ARHGEF17: variants seen among roughly 807,000 people sequenced by gnomAD.
ARHGEF17 encodes the protein 164 kDa Rho-specific guanine-nucleotide exchange factor.
A neutral mutation model predicts 174.0 loss-of-function variants in ARHGEF17; 80 were observed. The observed-to-expected ratio is 0.46, with a 90% CI of 0.38 to 0.55. ARHGEF17 has a LOEUF of 0.55. ARHGEF17 is among the 20% of genes least tolerant of loss of function. The pLI is 0.00. For missense variants in ARHGEF17, 2,886 were observed against 2,839.7 expected, an observed-to-expected ratio of 1.02 and a Z score of -0.37; for synonymous variants, 1,311 against 1,189.1, an observed-to-expected ratio of 1.10 and a Z score of -2.11.
Position 73,335,565 on chromosome 11 carries a change from T to TA in ARHGEF17, c.3193-11308dup, listed in dbSNP as rs372024283. On this transcript the variant is annotated intron_variant, in intron 1 of 20. Coordinates refer to ENST00000263674, the MANE Select transcript of ARHGEF17 (RefSeq NM_014786.4). Reference sequence around the variant, plus strand: ...AGAAAGAAAGGGAAAAAACCCACATTAAAAAAAAAACCCACCAGTTAAATT... The same window carrying TA: ...AGAAAGAAAGGGAAAAAACCCACATTAAAAAAAAAAACCCACCAGTTAAATT... Among the ~76,000 whole-genome samples the TA allele has an allele frequency of 6.8e-3, 1,009 of 147,394 alleles. 8 individuals carry two copies. The highest frequency in any genetic ancestry group is 0.028 in the Middle Eastern group (8 of 286).
At position 73,310,798 on chromosome 11, in the gene ARHGEF17, C is replaced by T. The variant is rs749381710; in HGVS notation, c.2160C>T (p.Ser720=). The T allele has an allele frequency of 9.9e-6, 16 of 1,611,926 alleles. No homozygotes were observed. Among genetic ancestry groups the T allele is most frequent in the East Asian group, 2.2e-5 (1 of 44,860 alleles). Residue 720 remains serine, a synonymous_variant, in exon 1 of 21, where the codon AGC becomes AGT. Transcript: ENST00000263674. ...RKVPPSGSGG[S]ELSNGEAGEA... is the part of the protein sequence containing the mutation. ...TCCCACCTTCAGGTTCTGGTGGGAG[C>T]GAATTGAGCAATGGGGAGGCAGGGG...
intron 1 of ARHGEF17, chr11:73,343,328 C>CAGCCGACCCAGGAGCCGACCCAGG (rs1427134543): frequency 2.5e-6 from 1 of 395,524 alleles, no homozygotes. Context: ...GCCTAGAACT[C>CAGCCGACCCAGGAGCCGACCCAGG]AGCCGACCCA....
chr11:73,341,131 G>A (rs933125842), intron 1 of ARHGEF17, among the ~76,000 whole-genome samples: 7 of 152,156 alleles, frequency 4.6e-5, no homozygotes, highest in Non-Finnish European at 7.3e-5. Flanking sequence ...GGGAGGAGAC[G>A]GGCCTCAATC....
intron 1 of ARHGEF17, among the ~76,000 whole-genome samples, chr11:73,338,204 G>A (rs926057986): frequency 9.9e-5 from 15 of 152,086 alleles, no homozygotes; most frequent in African/African-American, 3.1e-4. Flanking sequence ...AGGGGGATGG[G>A]AAGAAGACAG....
chr11:73,357,574 G>A (rs190832728), intron 9 of ARHGEF17, among the ~76,000 whole-genome samples: 31 of 152,324 alleles, frequency 2.0e-4, no homozygotes, highest in African/African-American at 6.5e-4. Flanking sequence ...AGCTGGGTGG[G>A]GGTGGTGCAC....
At position 73,346,897 on chromosome 11, in the gene ARHGEF17, C is replaced by T. The variant is rs367643672; in HGVS notation, c.3207C>T (p.His1069=). 3.4e-5 allele frequency: 51 copies of T among 1,507,878 alleles called. No homozygotes were observed. The highest frequency in any genetic ancestry group is 2.3e-4 in the Admixed American group (11 of 47,822). 93.4% of individuals were successfully genotyped at this position (1,507,878 alleles called of 1,614,324 possible). ...CSKPQVDMRK[H]VAMTLLDTEQ... is the part of the protein sequence containing the mutation. ...TGTCCCCACAGGACATGCGGAAGCA[C>T]GTGGCCATGACCCTGCTGGACACAG... Residue 1069 remains histidine, a synonymous_variant, in exon 2 of 21, where the codon CAC becomes CAT. Transcript: ENST00000263674.
intron 20 of ARHGEF17, among the ~76,000 whole-genome samples, chr11:73,367,324 GA>G (rs969258744): frequency 6.6e-6 from 1 of 152,214 alleles, no homozygotes; most frequent in South Asian, 2.1e-4. Flanking sequence ...ATTGTAAAAA[GA>G]AAAAAATCAG....
intron 1 of ARHGEF17, among the ~76,000 whole-genome samples, chr11:73,336,483 C>T (rs538486912): frequency 3.3e-4 from 50 of 152,274 alleles, no homozygotes; most frequent in Admixed American, 7.2e-4. Flanking sequence ...AGTTAGAAGT[C>T]GGGCCTGAGT....
chr11:73,327,746 G>A (rs537320412), intron 1 of ARHGEF17, among the ~76,000 whole-genome samples: 10 of 152,172 alleles, frequency 6.6e-5, no homozygotes, highest in Admixed American at 2.0e-4. Flanking sequence ...TTTGATGCTG[G>A]TGAGTCAGCA....
intron 1 of ARHGEF17, among the ~76,000 whole-genome samples, chr11:73,317,526 G>C (rs1490354363): frequency 6.6e-6 from 1 of 152,216 alleles, no homozygotes; most frequent in Non-Finnish European, 1.5e-5. Flanking sequence ...GTAGCAGGGT[G>C]GGGGAAGGGG....
At position 73,363,572 on chromosome 11, in the gene ARHGEF17, C is replaced by G. The variant is rs192292035; in HGVS notation, c.5246+117C>G. 1.7e-4 allele frequency: 254 copies of G among 1,514,326 alleles called. 2 individuals are homozygous for G. In the African/African-American group the frequency reaches 3.1e-3, roughly 18 times the overall value. 93.8% of individuals were successfully genotyped at this position (1,514,326 alleles called of 1,614,324 possible). On this transcript the variant is annotated intron_variant, in intron 15 of 20. Transcript: ENST00000263674. Reference sequence around the variant, plus strand: ...GGCTTTGGGTCACACCTCAGGGGTACTGCTGACCAGGGATGTCAGTGGGTC... The same window carrying G: ...GGCTTTGGGTCACACCTCAGGGGTAGTGCTGACCAGGGATGTCAGTGGGTC...
At position 73,334,717 on chromosome 11, in the gene ARHGEF17, C is replaced by T. The variant is rs148494197; in HGVS notation, c.3193-12166C>T. On this transcript the variant is annotated intron_variant, in intron 1 of 20. Coordinates refer to ENST00000263674, the MANE Select transcript of ARHGEF17 (RefSeq NM_014786.4). ...AGTGAGTCATCTTCTGCACCAGAGG[C>T]AGGACACCCCATCCCACCGACAACA... Among the ~76,000 whole-genome samples, 50 of 152,290 alleles carry T rather than the reference C, an allele frequency of 3.3e-4. 1 individual carries two copies. In the East Asian group the frequency reaches 8.5e-3, roughly 26 times the overall value.
intron 1 of ARHGEF17, among the ~76,000 whole-genome samples, chr11:73,333,088 C>T (rs1309655529): frequency 1.3e-5 from 2 of 152,174 alleles, no homozygotes; most frequent in African/African-American, 2.4e-5. Context: ...GCTTTACCCA[C>T]GGAAGAGCTC....
chr11:73,336,551 T>C (rs538308995), intron 1 of ARHGEF17, among the ~76,000 whole-genome samples: 2 of 152,320 alleles, frequency 1.3e-5, no homozygotes, highest in East Asian at 3.9e-4. Flanking sequence ...GCAGGGACAG[T>C]TTCTGGAAGG....
chr11:73,336,622 G>A (rs1388957569), intron 1 of ARHGEF17, among the ~76,000 whole-genome samples: 1 of 152,250 alleles, frequency 6.6e-6, no homozygotes, highest in African/African-American at 2.4e-5. Context: ...TCTAGCCTGT[G>A]CAGAAATCAT....
intron 3 of ARHGEF17, 108 bp from the exon 4 acceptor site, chr11:73,355,425 T>C (rs1483142273): frequency 1.4e-6 from 1 of 736,458 alleles, no homozygotes; most frequent in Non-Finnish European, 2.4e-6. Context: ...TTGTATCATT[T>C]CTAGTTGGAG....
Position 73,360,533 on chromosome 11 carries a change from G to A in ARHGEF17, c.4420G>A (p.Ala1474Thr). The change falls in exon 11 of 21, where the codon GCA becomes ACA. Residue 1474 changes from alanine to threonine, a missense_variant and splice_region_variant. Coordinates refer to ENST00000263674, the MANE Select transcript of ARHGEF17 (RefSeq NM_014786.4). ...QAFDEAKRKLASSKSCLDPEF... is the reference protein window; with the variant it reads ...QAFDEAKRKLTSSKSCLDPEF... The stretch of plus-strand genomic sequence containing the variant: ...CTTCGATGAGGCCAAGAGGAAGCTG[G>A]GTAAGCCAAGGCACATGTTGGCCCT... 2 of 1,613,740 alleles carry A rather than the reference G, an allele frequency of 1.2e-6. No individual in the cohort carries two copies. Among genetic ancestry groups the A allele is most frequent in the Non-Finnish European group, 1.7e-6 (2 of 1,180,036 alleles).
rs1864723041 is a variant in ARHGEF17 at position 73,308,307 on chromosome 11, G to A, written c.-332G>A. Reference sequence around the variant, plus strand: ...GTGCCAGGAGCGAGCAGCCAAGGGCGTTGGGCAGGCGGACGCAGAGTCGAG... The same window carrying A: ...GTGCCAGGAGCGAGCAGCCAAGGGCATTGGGCAGGCGGACGCAGAGTCGAG... On this transcript the variant is annotated 5_prime_UTR_variant, in exon 1 of 21. Coordinates refer to ENST00000263674, the MANE Select transcript of ARHGEF17 (RefSeq NM_014786.4). 1.1e-5 allele frequency: 3 copies of A among 280,160 alleles called. No homozygotes were observed. Among genetic ancestry groups the A allele is most frequent in the Middle Eastern group, 9.6e-4 (1 of 1,038 alleles). 17.4% of individuals were successfully genotyped at this position (280,160 alleles called of 1,614,324 possible). A position where few individuals can be genotyped will look rare whatever the true frequency, so the allele number is the denominator to read the frequency against.
At chr11:73,340,934 G>C (rs1865358359) in intron 1 of ARHGEF17, among the ~76,000 whole-genome samples, 1 of 152,230 alleles carries the variant, frequency 6.6e-6, no homozygotes, top group African/African-American at 2.4e-5. Flanking sequence ...AATCCATCCA[G>C]TTGGGAGGGT....
Sources: allele counts gnomAD v4.1 joint callset (sites outside exome capture counted in the v4.1 genomes callset), GRCh38; gene constraint gnomAD v4.1.1; transcripts MANE v1.5; gene names NCBI Gene and HGNC (gene_info 2026-07-23, HGNC 2026-07-21).